HIP1: variants seen among roughly 807,000 people sequenced by gnomAD.
HIP1 encodes the protein huntingtin interacting protein 1, also known as huntingtin-interacting protein 1.
In HIP1, 65 loss-of-function variants were observed where a neutral mutation model predicts 147.6. That is an observed-to-expected ratio of 0.44 (90% CI 0.36 to 0.54). The LOEUF is 0.54. Ranked by LOEUF, HIP1 falls within the 20% of genes least tolerant of loss-of-function variation. HIP1 has a pLI of 0.00. For synonymous variants in HIP1, 479 were observed against 504.0 expected, an observed-to-expected ratio of 0.95 and a Z score of 0.67; for missense variants, 1,061 against 1,299.6, an observed-to-expected ratio of 0.82 and a Z score of 2.82.
intron 1 of HIP1, among the ~76,000 whole-genome samples, chr7:75,722,472 T>C (rs1462015198): frequency 5.3e-5 from 8 of 152,210 alleles, no homozygotes; most frequent in Admixed American, 5.2e-4. Flanking sequence ...CAGCCACAGC[T>C]TGGAGAAGTA....
At position 75,535,153 on chromosome 7, in the gene HIP1, T is replaced by C. The variant is rs1018234276; in HGVS notation, c.*3019A>G. 4.6e-6 allele frequency: 1 copy of C among 215,732 alleles called. No individual in the cohort carries two copies. The highest frequency in any genetic ancestry group is 6.9e-5 in the East Asian group (1 of 14,580). The allele number at this position is 215,732 out of a possible 1,614,324, so 13.4% of individuals were successfully genotyped here. ...CACTGAATTAGCCTCTGCTTCTGTT[T>C]AAGTGCTTTCTTAACCGTTATGACT... On this transcript the variant is annotated 3_prime_UTR_variant, in exon 31 of 31. Coordinates refer to ENST00000336926, the MANE Select transcript of HIP1 (RefSeq NM_005338.7).
At chr7:75,736,141 C>T (rs1802013628) in intron 1 of HIP1, among the ~76,000 whole-genome samples, 1 of 133,044 alleles carries the variant, frequency 7.5e-6, no homozygotes, top group African/African-American at 2.7e-5. Flanking sequence ...TACTTCACCC[C>T]CACCCACCCC....
chr7:75,578,659 C>T (rs1467386298), intron 7 of HIP1, among the ~76,000 whole-genome samples: 2 of 152,112 alleles, frequency 1.3e-5, no homozygotes, highest in African/African-American at 4.8e-5. Flanking sequence ...GCTTGGGTGA[C>T]ACAACCAGAC....
At chr7:75,544,550 C>A in intron 27 of HIP1, 145 bp downstream of exon 27, 1 of 675,824 alleles carries the variant, frequency 1.5e-6, no homozygotes, top group Non-Finnish European at 2.7e-6. Context: ...CAAGTACAGT[C>A]TAACCTAGCC....
intron 11 of HIP1, 124 bp downstream of exon 11, chr7:75,562,810 AG>A (rs1795274053): frequency 1.1e-6 from 1 of 909,788 alleles, no homozygotes; most frequent in Admixed American, 2.5e-5. Flanking sequence ...GGTTGGTGCT[AG>A]GTGAATGAAG....
chr7:75,736,220 A>T (rs182396817), intron 1 of HIP1, among the ~76,000 whole-genome samples: 15 of 147,850 alleles, frequency 1.0e-4, no homozygotes, highest in African/African-American at 3.8e-4. Flanking sequence ...ACTGACCTAG[A>T]CTCTCCTGTT....
chr7:75,564,325 G>A (rs964605127), intron 9 of HIP1, among the ~76,000 whole-genome samples: 5 of 135,646 alleles, frequency 3.7e-5, no homozygotes, highest in Admixed American at 7.2e-5. Context: ...ATGGAGTGTC[G>A]CTCTTATTGC....
At position 75,547,292 on chromosome 7, in the gene HIP1, G is replaced by C. The variant is rs147785131; in HGVS notation, c.2466-260C>G. Reference sequence around the variant, plus strand: ...ACTTCTTTTCTTCTTTTTTGAGACAGAGTCTTGCTCTGTCGCCCAGGCTAG... The same window carrying C: ...ACTTCTTTTCTTCTTTTTTGAGACACAGTCTTGCTCTGTCGCCCAGGCTAG... On this transcript the variant is annotated intron_variant, in intron 24 of 30. Transcript: ENST00000336926. Among the ~76,000 whole-genome samples the C allele has an allele frequency of 4.5e-4, 69 of 152,306 alleles. 2 individuals carry two copies. In the East Asian group the frequency reaches 0.012, roughly 26 times the overall value.
chr7:75,685,937 C>A (rs1800248456), intron 1 of HIP1, among the ~76,000 whole-genome samples: 3 of 151,876 alleles, frequency 2.0e-5, no homozygotes, highest in Admixed American at 2.0e-4. Context: ...TCTCTGTCGC[C>A]TAGGCTGGAG....
intron 1 of HIP1, among the ~76,000 whole-genome samples, chr7:75,691,521 G>A (rs1002077021): frequency 3.3e-5 from 5 of 151,742 alleles, no homozygotes; most frequent in South Asian, 2.1e-4. Context: ...GAATAGGGCC[G>A]GGCGCGGTGG....
chr7:75,595,187 CCTTTCTTTCTTT>C (rs587760351), intron 2 of HIP1, among the ~76,000 whole-genome samples: 1,138 of 108,408 alleles, frequency 0.01, 30 homozygotes, highest in Middle Eastern at 0.018. Context: ...GTGTAGGAGT[CCTTTCTTTCTTT>C]CTTTCTTTCT....
chr7:75,541,857 T>C, intron 29 of HIP1, 62 bp downstream of exon 29: 1 of 1,214,398 alleles, frequency 8.2e-7, no homozygotes, highest in Non-Finnish European at 1.2e-6. Context: ...TCCATGGGAA[T>C]AATATTCAGA....
At chr7:75,641,495 T>TG (rs201972262) in intron 1 of HIP1, among the ~76,000 whole-genome samples, 8,162 of 150,208 alleles carry the variant, frequency 0.054, 231 homozygotes, top group Middle Eastern at 0.092. Flanking sequence ...CTTGTTTGCT[T>TG]TTTTTTTTTC....
chr7:75,608,667 G>C lies in HIP1; in HGVS notation c.121-9420C>G, dbSNP rs138036274. The stretch of plus-strand genomic sequence containing the variant: ...ACCTAGACCAATGGGCAGAAGTCCA[G>C]AGAGGCAGTTTCTGGATGAACTTAA... On this transcript the variant is annotated intron_variant, in intron 1 of 30. Transcript: ENST00000336926. Among the ~76,000 whole-genome samples the C allele has an allele frequency of 3.4e-3, 520 of 152,316 alleles. 1 individual carries two copies. The highest frequency in any genetic ancestry group is 0.012 in the African/African-American group (507 of 41,574).
chr7:75,536,143 A>C lies in HIP1; in HGVS notation c.*2029T>G. Reference sequence around the variant, plus strand: ...TTTAGTTGCCACAACTGGGACAGGGAAGCCACGCACCATTCCTTCTGAGCC... The same window carrying C: ...TTTAGTTGCCACAACTGGGACAGGGCAGCCACGCACCATTCCTTCTGAGCC... On this transcript the variant is annotated 3_prime_UTR_variant, in exon 31 of 31. Transcript: ENST00000336926. 1 of 198,426 alleles carries C rather than the reference A, an allele frequency of 5.0e-6. No homozygotes were observed. The highest frequency in any genetic ancestry group is 1.0e-5 in the Non-Finnish European group (1 of 95,956). The allele number at this position is 198,426 out of a possible 1,614,324, so 12.3% of individuals were successfully genotyped here.
chr7:75,669,406 C>CA (rs1369105254), intron 1 of HIP1, among the ~76,000 whole-genome samples: 35 of 150,866 alleles, frequency 2.3e-4, no homozygotes, highest in Non-Finnish European at 4.0e-4. Flanking sequence ...AAAAAAACAA[C>CA]AAAAAAATTA....
intron 1 of HIP1, among the ~76,000 whole-genome samples, chr7:75,724,675 G>C (rs1294576390): frequency 2.0e-5 from 3 of 152,134 alleles, no homozygotes; most frequent in African/African-American, 7.2e-5. Flanking sequence ...CTAGATGCTG[G>C]GGCAATATAC....
chr7:75,722,278 C>T (rs993531955), intron 1 of HIP1, among the ~76,000 whole-genome samples: 1 of 152,094 alleles, frequency 6.6e-6, no homozygotes, highest in Non-Finnish European at 1.5e-5. Context: ...CCACTGCACT[C>T]CAGCCTGGAC....
At chr7:75,703,670 G>A (rs1203717708) in intron 1 of HIP1, among the ~76,000 whole-genome samples, 1 of 151,818 alleles carries the variant, frequency 6.6e-6, no homozygotes, top group African/African-American at 2.4e-5. Flanking sequence ...ATATAGATGA[G>A]CTTGGAAGTA....
Sources: allele counts gnomAD v4.1 joint callset (sites outside exome capture counted in the v4.1 genomes callset), GRCh38; gene constraint gnomAD v4.1.1; transcripts MANE v1.5; gene names NCBI Gene and HGNC (gene_info 2026-07-23, HGNC 2026-07-21).